The following SMAD3 variants were observed in gnomAD, a reference collection of about 807,000 sequenced individuals.
The protein encoded by SMAD3 is SMAD family member 3.
Under a neutral mutation model 51.8 loss-of-function variants are expected in SMAD3, and 12 were observed. That is an observed-to-expected ratio of 0.23 (90% CI 0.15 to 0.38). SMAD3 has a LOEUF of 0.38. SMAD3 is among the 10% of genes least tolerant of loss of function. The probability of loss-of-function intolerance (pLI) is 1.00; values close to 1 mark genes in which losing one functional copy is unlikely to be tolerated. For missense variants in SMAD3, 294 were observed against 565.6 expected (o/e 0.52, Z 4.87); for synonymous variants, 238 against 227.7 (o/e 1.05, Z -0.41).
chr15:67,117,515 T>C (rs1408382986), intron 1 of SMAD3, among the ~76,000 whole-genome samples: 1 of 152,044 alleles, frequency 6.6e-6, no homozygotes, highest in East Asian at 1.9e-4. Flanking sequence ...CTGTCTCCTT[T>C]TGATCATGAG....
chr15:67,082,332 C>T (rs1960295862), intron 1 of SMAD3, among the ~76,000 whole-genome samples: 1 of 152,180 alleles, frequency 6.6e-6, no homozygotes, highest in Admixed American at 6.5e-5. Context: ...TTTCAGGTTT[C>T]AAGCAGTTGC....
At chr15:67,107,745 A>G (rs565595732) in intron 1 of SMAD3, among the ~76,000 whole-genome samples, 2 of 152,024 alleles carry the variant, frequency 1.3e-5, no homozygotes, top group East Asian at 1.9e-4. Context: ...CTTCCCTTCC[A>G]TAGGGATATG....
chr15:67,170,497 T>G, intron 4 of SMAD3, 57 bp from the exon 5 acceptor site: 1 of 1,436,342 alleles, frequency 7.0e-7, no homozygotes, highest in Non-Finnish European at 9.8e-7. Flanking sequence ...GTTTAGTAAC[T>G]TGGCTCTCCA....
chr15:67,171,745 T>A (rs1383428877), intron 5 of SMAD3, among the ~76,000 whole-genome samples: 1 of 152,178 alleles, frequency 6.6e-6, no homozygotes, highest in Non-Finnish European at 1.5e-5. Flanking sequence ...CTTTGGGAGA[T>A]CTGTTTTAAC....
chr15:67,104,659 C>T (rs937351946), intron 1 of SMAD3, among the ~76,000 whole-genome samples: 1 of 152,252 alleles, frequency 6.6e-6, no homozygotes, highest in Non-Finnish European at 1.5e-5. Flanking sequence ...AAGGGCTTGG[C>T]ACAAATGGCC....
At chr15:67,066,507 G>A in intron 1 of SMAD3, 147 bp downstream of exon 1, 1 of 694,436 alleles carries the variant, frequency 1.4e-6, no homozygotes, top group Non-Finnish European at 2.4e-6. Flanking sequence ...GAGTGGGAGA[G>A]CGCGGGCAGG....
chr15:67,143,971 T>TC (rs1457010741), intron 1 of SMAD3, among the ~76,000 whole-genome samples: 1 of 151,990 alleles, frequency 6.6e-6, no homozygotes, highest in Non-Finnish European at 1.5e-5. Flanking sequence ...GCCCTGCCTT[T>TC]TTTTTTTTTC....
chr15:67,143,686 G>A (rs1399732558), intron 1 of SMAD3, among the ~76,000 whole-genome samples: 5 of 152,152 alleles, frequency 3.3e-5, no homozygotes, highest in Non-Finnish European at 5.9e-5. Context: ...CACCCACCTC[G>A]ACCTCCCAAA....
chr15:67,190,688 AC>A lies in SMAD3; in HGVS notation c.*153del. On this transcript the variant is annotated 3_prime_UTR_variant, in exon 9 of 9. Coordinates refer to ENST00000327367, the MANE Select transcript of SMAD3 (RefSeq NM_005902.4). Reference sequence around the variant, plus strand: ...GGTGCACCCACCTGTTTTCTGAAACACACGAGCAAACCCAGAGGTGGATGTT... The same window carrying A: ...GGTGCACCCACCTGTTTTCTGAAACAACGAGCAAACCCAGAGGTGGATGTT... 1 of 743,190 alleles carries A rather than the reference AC, an allele frequency of 1.3e-6. No homozygotes were observed. Among genetic ancestry groups the A allele is most frequent in the Non-Finnish European group, 2.3e-6 (1 of 441,552 alleles). 46.0% of individuals were successfully genotyped at this position (743,190 alleles called of 1,614,324 possible). A position where few individuals can be genotyped will look rare whatever the true frequency, so the allele number is the denominator to read the frequency against.
chr15:67,143,352 C>T (rs1961884420), intron 1 of SMAD3, among the ~76,000 whole-genome samples: 1 of 152,216 alleles, frequency 6.6e-6, no homozygotes, highest in Non-Finnish European at 1.5e-5. Context: ...AAGGCAGACA[C>T]CTTTGACACA....
chr15:67,069,985 T>A (rs1351396517), intron 1 of SMAD3, among the ~76,000 whole-genome samples: 1 of 152,172 alleles, frequency 6.6e-6, no homozygotes, highest in East Asian at 1.9e-4. Flanking sequence ...ATTACAGGCG[T>A]GAGCCACCGC....
intron 1 of SMAD3, among the ~76,000 whole-genome samples, chr15:67,102,818 C>A (rs1387498689): frequency 6.6e-6 from 1 of 152,132 alleles, no homozygotes; most frequent in Non-Finnish European, 1.5e-5. Flanking sequence ...TCTGGATTTA[C>A]CTCTGTGCAG....
intron 1 of SMAD3, among the ~76,000 whole-genome samples, chr15:67,108,775 C>T (rs566603237): frequency 8.5e-4 from 130 of 152,172 alleles, no homozygotes; most frequent in Non-Finnish European, 1.1e-3. Flanking sequence ...CGTTCTAAAA[C>T]GGAGCATTTG....
At chr15:67,122,240 C>G (rs1961281844) in intron 1 of SMAD3, among the ~76,000 whole-genome samples, 1 of 152,226 alleles carries the variant, frequency 6.6e-6, no homozygotes, top group Non-Finnish European at 1.5e-5. Context: ...GAAGGTTATA[C>G]TCCCCTTTCC....
chr15:67,183,013 ATATATATATATATATATAT>A (rs1567000711), intron 6 of SMAD3, among the ~76,000 whole-genome samples: 16 of 71,430 alleles, frequency 2.2e-4, no homozygotes, highest in African/African-American at 1.1e-3. Context: ...ATATATATAT[ATATATATATATATATATAT>A]TTTTTTTTTT....
At chr15:67,182,409 G>A (rs575009112) in intron 6 of SMAD3, among the ~76,000 whole-genome samples, 1 of 152,348 alleles carries the variant, frequency 6.6e-6, no homozygotes, top group East Asian at 1.9e-4. Flanking sequence ...TAGAAGGGCT[G>A]TAGAGAGATG....
chr15:67,070,802 T>G (rs1960036740), intron 1 of SMAD3, among the ~76,000 whole-genome samples: 1 of 151,948 alleles, frequency 6.6e-6, no homozygotes, highest in Non-Finnish European at 1.5e-5. Context: ...TCAGGTCCTG[T>G]ACCTGCCATT....
intron 5 of SMAD3, 61 bp from the exon 6 acceptor site, chr15:67,181,180 C>T: frequency 3.1e-6 from 4 of 1,277,972 alleles, no homozygotes; most frequent in Non-Finnish European, 4.5e-6. Context: ...CATGGGACCC[C>T]ATCGAGGGAG....
At chr15:67,128,618 C>T (rs2140250282) in intron 1 of SMAD3, among the ~76,000 whole-genome samples, 1 of 152,150 alleles carries the variant, frequency 6.6e-6, no homozygotes, top group South Asian at 2.1e-4. Flanking sequence ...GTCGCCCAGG[C>T]TGGAGTGCAG....
Sources: gnomAD v4.1 joint callset for allele counts (sites outside exome capture counted in the v4.1 genomes callset) on GRCh38, gnomAD v4.1.1 for gene constraint, MANE v1.5 for transcripts, NCBI Gene and HGNC (gene_info 2026-07-23, HGNC 2026-07-21) for gene names.